Variants in PDZRN4 observed in about 807,000 individuals in gnomAD.
PDZRN4 encodes the protein PDZ domain-containing RING finger protein 4.
In PDZRN4, 70 loss-of-function variants were observed where a neutral mutation model predicts 99.0. That is an observed-to-expected ratio of 0.71 (90% CI 0.58 to 0.86). The LOEUF (loss-of-function observed/expected upper bound fraction) is 0.86. Among genes scored for constraint, PDZRN4 ranks in the 40% least tolerant of loss-of-function variants. The pLI is 0.00. For synonymous variants in PDZRN4, 551 were observed against 501.6 expected, an observed-to-expected ratio of 1.10 and a Z score of -1.32; for missense variants, 1,474 against 1,331.2, an observed-to-expected ratio of 1.11 and a Z score of -1.67.
intron 3 of PDZRN4, among the ~76,000 whole-genome samples, chr12:41,249,654 C>G (rs1045733913): frequency 2.6e-5 from 4 of 152,158 alleles, no homozygotes; most frequent in Non-Finnish European, 4.4e-5. Context: ...ATTTAAGAAG[C>G]ATAACGATGG....
At chr12:41,458,484 A>T (rs1189064620) in intron 3 of PDZRN4, among the ~76,000 whole-genome samples, 1 of 152,228 alleles carries the variant, frequency 6.6e-6, no homozygotes, top group African/African-American at 2.4e-5. Context: ...GTAGTTAGAA[A>T]TCTTCAAATT....
chr12:41,230,189 G>T (rs915080148), intron 3 of PDZRN4, among the ~76,000 whole-genome samples: 1 of 151,914 alleles, frequency 6.6e-6, no homozygotes, highest in Non-Finnish European at 1.5e-5. Flanking sequence ...AGTTGATCAA[G>T]CAGAGTACAC....
At chr12:41,356,755 G>A (rs1951930577) in intron 3 of PDZRN4, among the ~76,000 whole-genome samples, 1 of 151,924 alleles carries the variant, frequency 6.6e-6, no homozygotes, top group South Asian at 2.1e-4. Flanking sequence ...ATTTCATCTG[G>A]TAGAGACTTG....
chr12:41,222,266 A>G (rs1950960248), intron 3 of PDZRN4, among the ~76,000 whole-genome samples: 1 of 152,156 alleles, frequency 6.6e-6, no homozygotes, highest in Non-Finnish European at 1.5e-5. Context: ...ATGGATACTT[A>G]TTTAACTTTT....
chr12:41,313,133 G>A (rs1438418530), intron 3 of PDZRN4, among the ~76,000 whole-genome samples: 1 of 151,990 alleles, frequency 6.6e-6, no homozygotes, highest in African/African-American at 2.4e-5. Context: ...TATTGATTTA[G>A]AACCCCAATC....
intron 3 of PDZRN4, among the ~76,000 whole-genome samples, chr12:41,415,788 A>G (rs1387044603): frequency 6.6e-6 from 1 of 152,120 alleles, no homozygotes; most frequent in African/African-American, 2.4e-5. Flanking sequence ...AGGGTAATTT[A>G]TCATGGGAGG....
chr12:41,572,840 C>G lies in PDZRN4; in HGVS notation c.2061C>G (p.His687Gln), dbSNP rs1479360486. Reference protein sequence around the residue: ...ELECQNIMQAHRLQKVTDQYG... With the variant: ...ELECQNIMQAQRLQKVTDQYG... ...AGTGTCAGAATATCATGCAGGCTCA[C>G]AGGCTCCAGAAAGTGACAGACCAGT... Residue 687 changes from histidine (H) to glutamine (Q), a missense_variant, in exon 10 of 10, where the codon CAC becomes CAG. Transcript: ENST00000402685. 1 of 1,614,002 alleles carries G rather than the reference C, an allele frequency of 6.2e-7. No individual in the cohort carries two copies. The highest frequency in any genetic ancestry group is 8.5e-7 in the Non-Finnish European group (1 of 1,180,016).
intron 7 of PDZRN4, among the ~76,000 whole-genome samples, chr12:41,561,914 A>G (rs1939277373): frequency 6.6e-6 from 1 of 152,166 alleles, no homozygotes; most frequent in Non-Finnish European, 1.5e-5. Context: ...TAGGGGAAGT[A>G]TAGTGGAATC....
intron 3 of PDZRN4, among the ~76,000 whole-genome samples, chr12:41,438,239 G>GT (rs1034615539): frequency 1.3e-5 from 2 of 152,092 alleles, no homozygotes; most frequent in African/African-American, 4.8e-5. Flanking sequence ...AACATTTTGT[G>GT]TATCTACTGC....
chr12:41,216,821 C>T (rs539525790), intron 3 of PDZRN4, among the ~76,000 whole-genome samples: 4 of 151,960 alleles, frequency 2.6e-5, no homozygotes, highest in South Asian at 4.2e-4. Flanking sequence ...TCAAACATTA[C>T]GTTAAAAAAA....
intron 3 of PDZRN4, among the ~76,000 whole-genome samples, chr12:41,313,520 G>A (rs913416869): frequency 6.6e-6 from 1 of 152,116 alleles, no homozygotes; most frequent in Non-Finnish European, 1.5e-5. Context: ...TCCTGGTGCC[G>A]AGAAGGCCCC....
At chr12:41,467,251 A>T (rs1374020943) in intron 3 of PDZRN4, among the ~76,000 whole-genome samples, 2 of 152,192 alleles carry the variant, frequency 1.3e-5, no homozygotes, top group Non-Finnish European at 2.9e-5. Flanking sequence ...CATAGAAAAA[A>T]ATTGGCCCAG....
chr12:41,534,691 C>A (rs1008183835), intron 5 of PDZRN4, among the ~76,000 whole-genome samples: 7 of 152,068 alleles, frequency 4.6e-5, no homozygotes, highest in African/African-American at 1.7e-4. Context: ...CTTTACTTTA[C>A]CCTTGTTCCA....
At chr12:41,481,193 A>G (rs886966583) in intron 3 of PDZRN4, among the ~76,000 whole-genome samples, 3 of 151,978 alleles carry the variant, frequency 2.0e-5, no homozygotes, top group Non-Finnish European at 4.4e-5. Flanking sequence ...GTACCAACCT[A>G]TCAGTGATAG....
intron 3 of PDZRN4, among the ~76,000 whole-genome samples, chr12:41,490,841 C>T (rs1057145462): frequency 3.3e-5 from 5 of 152,210 alleles, no homozygotes; most frequent in Admixed American, 6.5e-5. Context: ...CAAGAAATTC[C>T]CATCTTCTAA....
intron 3 of PDZRN4, among the ~76,000 whole-genome samples, chr12:41,498,567 C>T (rs2120651488): frequency 6.6e-6 from 1 of 152,220 alleles, no homozygotes; most frequent in Admixed American, 6.5e-5. Flanking sequence ...GGAACCCACT[C>T]ATGTGATAAT....
chr12:41,481,683 G>GT (rs1244654312), intron 3 of PDZRN4, among the ~76,000 whole-genome samples: 2 of 152,142 alleles, frequency 1.3e-5, no homozygotes, highest in East Asian at 3.9e-4. Context: ...AATCTTGAGA[G>GT]TTTTTTCAGC....
chr12:41,253,275 G>A (rs1450018529), intron 3 of PDZRN4, among the ~76,000 whole-genome samples: 2 of 152,044 alleles, frequency 1.3e-5, no homozygotes, highest in African/African-American at 2.4e-5. Flanking sequence ...TTCTCCCAAT[G>A]TTTTCTTCTA....
chr12:41,406,218 G>A (rs1952348358), intron 3 of PDZRN4, among the ~76,000 whole-genome samples: 1 of 151,768 alleles, frequency 6.6e-6, no homozygotes, highest in Non-Finnish European at 1.5e-5. Flanking sequence ...AGTCTAACAA[G>A]TAACAATATT....
Sources: allele counts gnomAD v4.1 joint callset (sites outside exome capture counted in the v4.1 genomes callset), GRCh38; gene constraint gnomAD v4.1.1; transcripts MANE v1.5; gene names NCBI Gene and HGNC (gene_info 2026-07-23, HGNC 2026-07-21).